The following UBTD2 variants were observed in gnomAD, a reference collection of about 807,000 sequenced individuals.
The protein encoded by UBTD2 is ubiquitin domain-containing protein 2.
A neutral mutation model predicts 19.8 loss-of-function variants in UBTD2; 9 were observed. That is an observed-to-expected ratio of 0.46 (90% CI 0.27 to 0.79). The LOEUF (loss-of-function observed/expected upper bound fraction) is 0.79. UBTD2 is among the 30% of genes least tolerant of loss of function. The probability of loss-of-function intolerance (pLI) is 0.14; values close to 1 mark genes in which losing one functional copy is unlikely to be tolerated. For synonymous variants in UBTD2, 98 were observed against 103.9 expected, an observed-to-expected ratio of 0.94 and a Z score of 0.35; for missense variants, 250 against 300.4, an observed-to-expected ratio of 0.83 and a Z score of 1.24.
intron 1 of UBTD2, among the ~76,000 whole-genome samples, chr5:172,251,465 C>CAAA (rs59810255): frequency 0.028 from 2,594 of 91,418 alleles, 41 homozygotes; most frequent in African/African-American, 0.042. Flanking sequence ...TCAAACTGTC[C>CAAA]AAAAAAAAAA....
intron 1 of UBTD2, among the ~76,000 whole-genome samples, chr5:172,259,179 G>C (rs1755218446): frequency 6.6e-6 from 1 of 152,196 alleles, no homozygotes; most frequent in Non-Finnish European, 1.5e-5. Flanking sequence ...GTCTCGTTAT[G>C]TTACCCAGGC....
At chr5:172,221,190 T>A (rs1771642837) in intron 2 of UBTD2, among the ~76,000 whole-genome samples, 1 of 152,142 alleles carries the variant, frequency 6.6e-6, no homozygotes, top group African/African-American at 2.4e-5. Flanking sequence ...TCTATAGATT[T>A]GATGCAAATC....
At chr5:172,277,536 G>A (rs907175004) in intron 1 of UBTD2, among the ~76,000 whole-genome samples, 1 of 151,842 alleles carries the variant, frequency 6.6e-6, no homozygotes, top group Non-Finnish European at 1.5e-5. Flanking sequence ...GAAAGACCCC[G>A]TCTCTACAAA....
In UBTD2 at chr5:172,234,418, G is replaced by T. The variant is rs552141446; in HGVS notation, c.71-60C>A. On this transcript the variant is annotated intron_variant, in intron 1 of 2. Transcript: ENST00000393792. The stretch of plus-strand genomic sequence containing the variant: ...AAAATTTATAAAATATGTATCAAAA[G>T]TTATCTGGTCATTCCTCTCTTGGAT... The T allele has an allele frequency of 1.7e-5, 23 of 1,372,590 alleles. No individual in the cohort carries two copies. The East Asian group carries it at 5.3e-4, about 32-fold the overall frequency. 85.0% of individuals were successfully genotyped at this position (1,372,590 alleles called of 1,614,324 possible).
chr5:172,222,069 T>C (rs761198026), intron 2 of UBTD2, among the ~76,000 whole-genome samples: 1 of 152,164 alleles, frequency 6.6e-6, no homozygotes, highest in Non-Finnish European at 1.5e-5. Flanking sequence ...TTTGATTTCA[T>C]TTTAAGTCTA....
intron 2 of UBTD2, among the ~76,000 whole-genome samples, chr5:172,226,102 CA>C (rs957068280): frequency 7.9e-5 from 12 of 152,156 alleles, no homozygotes; most frequent in African/African-American, 2.9e-4. Context: ...CCAACCCTGG[CA>C]AATTTTTGTA....
chr5:172,263,851 C>CTATGTGTGTGTG (rs1554129979), intron 1 of UBTD2, among the ~76,000 whole-genome samples: 1 of 142,224 alleles, frequency 7.0e-6, no homozygotes, highest in African/African-American at 2.7e-5. Context: ...GCACGTGCCT[C>CTATGTGTGTGTG]TGTGTGTGTG....
chr5:172,238,120 A>G (rs1366510799), intron 1 of UBTD2, among the ~76,000 whole-genome samples: 1 of 152,220 alleles, frequency 6.6e-6, no homozygotes, highest in African/African-American at 2.4e-5. Flanking sequence ...CAAGCCAAAC[A>G]TTTTTGTAAG....
At chr5:172,281,007 T>C (rs1755704186) in intron 1 of UBTD2, among the ~76,000 whole-genome samples, 1 of 152,216 alleles carries the variant, frequency 6.6e-6, no homozygotes, top group Admixed American at 6.5e-5. Context: ...TGGCTGATAT[T>C]TAGAAAGGGT....
chr5:172,239,283 C>T (rs560808612), intron 1 of UBTD2, among the ~76,000 whole-genome samples: 37 of 152,260 alleles, frequency 2.4e-4, no homozygotes, highest in African/African-American at 8.7e-4. Context: ...AACACACATG[C>T]CCAAATTCAA....
chr5:172,280,509 CAAAAAAAAAAA>C (rs376156166), intron 1 of UBTD2, among the ~76,000 whole-genome samples: 1 of 95,024 alleles, frequency 1.1e-5, no homozygotes, highest in Non-Finnish European at 2.1e-5. Flanking sequence ...GACTCCATCT[CAAAAAAAAAAA>C]AAAAAAAAAC....
intron 1 of UBTD2, among the ~76,000 whole-genome samples, chr5:172,264,825 G>A (rs1466823223): frequency 5.9e-5 from 9 of 152,070 alleles, no homozygotes; most frequent in Admixed American, 3.9e-4. Context: ...GCAGTGAGCT[G>A]TGGTTGTGCC....
chr5:172,274,815 C>T (rs909703041), intron 1 of UBTD2, among the ~76,000 whole-genome samples: 1 of 151,932 alleles, frequency 6.6e-6, no homozygotes, highest in African/African-American at 2.4e-5. Context: ...CCGAGGTGGG[C>T]GGATCATGAG....
At chr5:172,244,295 G>GGTTTTTT (rs1554128667) in intron 1 of UBTD2, among the ~76,000 whole-genome samples, 49 of 126,066 alleles carry the variant, frequency 3.9e-4, no homozygotes, top group African/African-American at 1.3e-3. Context: ...TTTCCTCCCA[G>GGTTTTTT]TTTTTTTTTT....
chr5:172,213,437 G>C (rs1339908250), intron 2 of UBTD2, among the ~76,000 whole-genome samples: 1 of 152,032 alleles, frequency 6.6e-6, no homozygotes, highest in Non-Finnish European at 1.5e-5. Flanking sequence ...AAATGACTGA[G>C]GTGTTTTATT....
chr5:172,259,124 T>C (rs181204637), intron 1 of UBTD2, among the ~76,000 whole-genome samples: 34 of 152,268 alleles, frequency 2.2e-4, no homozygotes, highest in South Asian at 6.2e-4. Flanking sequence ...GTTCCTTTAA[T>C]GGCTACTTTG....
intron 1 of UBTD2, among the ~76,000 whole-genome samples, chr5:172,265,530 T>C (rs1022644241): frequency 3.3e-5 from 5 of 152,116 alleles, no homozygotes; most frequent in African/African-American, 1.2e-4. Flanking sequence ...CAGGTTTCAC[T>C]GTGTTAGCCA....
chr5:172,217,745 G>A (rs949912721), intron 2 of UBTD2, among the ~76,000 whole-genome samples: 1 of 152,078 alleles, frequency 6.6e-6, no homozygotes, highest in African/African-American at 2.4e-5. Flanking sequence ...CGCCTACCTC[G>A]CTTGCTGTGA....
At chr5:172,263,996 T>C (rs1252059641) in intron 1 of UBTD2, among the ~76,000 whole-genome samples, 2 of 152,080 alleles carry the variant, frequency 1.3e-5, no homozygotes, top group African/African-American at 4.8e-5. Flanking sequence ...GCTCTAATTT[T>C]TATATGGTGA....
Sources: gnomAD v4.1 joint callset for allele counts (sites outside exome capture counted in the v4.1 genomes callset) on GRCh38, gnomAD v4.1.1 for gene constraint, MANE v1.5 for transcripts, NCBI Gene and HGNC (gene_info 2026-07-23, HGNC 2026-07-21) for gene names.